Variants in NDUFA9 observed in about 807,000 individuals in gnomAD.
NDUFA9 encodes NADH dehydrogenase [ubiquinone] 1 alpha subcomplex subunit 9, mitochondrial.
NDUFA9 carries 23 observed loss-of-function variants against 45.9 expected under a neutral mutation model. That is an observed-to-expected ratio of 0.50 (90% CI 0.36 to 0.71). The LOEUF is 0.71. Ranked by LOEUF, NDUFA9 falls within the 30% of genes least tolerant of loss-of-function variation. The pLI is 0.00. For missense variants in NDUFA9, 466 were observed against 488.2 expected (o/e 0.95, Z 0.43); for synonymous variants, 176 against 170.5 (o/e 1.03, Z -0.25).
intron 10 of NDUFA9, among the ~76,000 whole-genome samples, chr12:4,686,551 C>T (rs1945987931): frequency 6.6e-6 from 1 of 152,038 alleles, no homozygotes; most frequent in South Asian, 2.1e-4. Flanking sequence ...TGGACCAGCT[C>T]TGCTTAAGCC....
intron 6 of NDUFA9, among the ~76,000 whole-genome samples, chr12:4,663,309 T>C (rs766601699): frequency 5.9e-5 from 9 of 152,170 alleles, no homozygotes; most frequent in Non-Finnish European, 1.3e-4. Flanking sequence ...TTAAAAAAAA[T>C]TGTGGCAAAA....
intron 5 of NDUFA9, among the ~76,000 whole-genome samples, chr12:4,660,844 T>C (rs1200114047): frequency 6.6e-6 from 1 of 152,022 alleles, no homozygotes; most frequent in Non-Finnish European, 1.5e-5. Flanking sequence ...TTGAGTGCAG[T>C]GGTTGGAGCA....
intron 8 of NDUFA9, among the ~76,000 whole-genome samples, chr12:4,673,947 C>T (rs1241594732): frequency 6.6e-6 from 1 of 152,122 alleles, no homozygotes; most frequent in Non-Finnish European, 1.5e-5. Flanking sequence ...AAAGGGAAGC[C>T]CATCAGACTA....
At chr12:4,672,880 G>C (rs1278360136) in intron 8 of NDUFA9, among the ~76,000 whole-genome samples, 1 of 152,228 alleles carries the variant, frequency 6.6e-6, no homozygotes, top group East Asian at 1.9e-4. Flanking sequence ...TTTGAGCTCT[G>C]ATAAGGGACA....
intron 6 of NDUFA9, among the ~76,000 whole-genome samples, chr12:4,665,111 A>T (rs1266457442): frequency 6.6e-6 from 1 of 152,204 alleles, no homozygotes; most frequent in Non-Finnish European, 1.5e-5. Context: ...GACTAAGACA[A>T]GATTAAGACC....
At chr12:4,668,166 T>C (rs1945864325) in intron 6 of NDUFA9, among the ~76,000 whole-genome samples, 1 of 152,124 alleles carries the variant, frequency 6.6e-6, no homozygotes, top group Non-Finnish European at 1.5e-5. Flanking sequence ...GCAGCTAGAG[T>C]CCAGTCTTGG....
intron 2 of NDUFA9, 115 bp from the exon 3 acceptor site, chr12:4,654,710 A>C: frequency 4.0e-6 from 4 of 1,001,188 alleles, no homozygotes; most frequent in Non-Finnish European, 5.8e-6. Flanking sequence ...CTTTTTGTCA[A>C]ATATAATATC....
At position 4,685,324 on chromosome 12, in the gene NDUFA9, G is replaced by T. The variant is rs199592341; in HGVS notation, c.962G>T (p.Arg321Leu). The change falls in exon 10 of 11, where the codon CGG becomes CTG. Residue 321 changes from arginine to leucine, a missense_variant and splice_region_variant. Physicochemically the swap from Arg to Leu is moderately radical, Grantham distance 102. Transcript: ENST00000266544. ...TGGATAACAAGGGATAAAGTGGAGC[G>T]GGTGAGTACATGTGTGGAAAGCGTC... Reference protein sequence around the residue: ...EPWITRDKVERMHITDMKLPH... With the variant: ...EPWITRDKVELMHITDMKLPH... 8 of 1,613,096 alleles carry T rather than the reference G, an allele frequency of 5.0e-6. No individual in the cohort carries two copies. Among genetic ancestry groups the T allele is most frequent in the Non-Finnish European group, 6.8e-6 (8 of 1,179,114 alleles).
intron 8 of NDUFA9, among the ~76,000 whole-genome samples, chr12:4,678,569 A>G (rs1019676730): frequency 1.3e-5 from 2 of 152,200 alleles, no homozygotes. Flanking sequence ...GAGGACTACT[A>G]TCTAGAATAT....
chr12:4,659,051 G>A lies in NDUFA9; in HGVS notation c.426G>A (p.Glu142=). 3 of 1,612,866 alleles carry A rather than the reference G, an allele frequency of 1.9e-6. No individual in the cohort carries two copies. Among genetic ancestry groups the A allele is most frequent in the Non-Finnish European group, 2.5e-6 (3 of 1,179,410 alleles). Residue 142 remains glutamate, a synonymous_variant, in exon 5 of 11, where the codon GAG becomes GAA. Coordinates refer to ENST00000266544, the MANE Select transcript of NDUFA9 (RefSeq NM_005002.5). ...RDWETKNFDF[E]DVFVKIPQAI... is the part of the protein sequence containing the mutation. ...TATCTTCCAGAAACTTTGATTTTGA[G>A]GATGTTTTTGTGAAGATTCCCCAAG... is the stretch of plus-strand genomic sequence containing the variant.
In NDUFA9 at chr12:4,682,215, T is replaced by A; in HGVS notation, c.811T>A (p.Tyr271Asn). ...KSFAFVGPSR[Y>N]LLFHLVKYIF... Reference sequence around the variant, plus strand: ...ATTGTCTTTTTATAGTCCCAGTCGGTACCTCCTTTTCCACCTGGTGAAGTA... The same window carrying A: ...ATTGTCTTTTTATAGTCCCAGTCGGAACCTCCTTTTCCACCTGGTGAAGTA... Residue 271 changes from tyrosine to asparagine, a missense_variant, in exon 9 of 11, where the codon TAC (tyrosine) becomes AAC (asparagine). Tyr to Asn is a moderately radical substitution (Grantham distance 143). Coordinates refer to ENST00000266544, the MANE Select transcript of NDUFA9 (RefSeq NM_005002.5). The A allele has an allele frequency of 1.2e-6, 2 of 1,611,012 alleles. No homozygotes were observed. Among genetic ancestry groups the A allele is most frequent in the Non-Finnish European group, 1.7e-6 (2 of 1,177,854 alleles).
At chr12:4,653,860 T>C (rs1038611960) in intron 1 of NDUFA9, among the ~76,000 whole-genome samples, 6 of 152,166 alleles carry the variant, frequency 3.9e-5, no homozygotes, top group African/African-American at 1.4e-4. Flanking sequence ...TACCTCTGCA[T>C]TGTGATGTGT....
intron 8 of NDUFA9, among the ~76,000 whole-genome samples, chr12:4,679,111 G>A (rs1565571593): frequency 1.3e-5 from 2 of 152,184 alleles, no homozygotes; most frequent in Non-Finnish European, 2.9e-5. Context: ...ATATTGACAT[G>A]TTACATGTGT....
intron 8 of NDUFA9, among the ~76,000 whole-genome samples, chr12:4,672,348 A>G (rs1039718373): frequency 1.3e-5 from 2 of 151,984 alleles, no homozygotes. Context: ...TTTTTTTTCC[A>G]TATCCCAGTG....
rs1358256003 is a variant in NDUFA9 at position 4,689,281 on chromosome 12, A to G, written c.*2173A>G. ...AACTTGTATCATCTCAGGATGCTGT[A>G]TATTTCTTTTATTTTTTATTTTTTA... is the stretch of plus-strand genomic sequence containing the variant. On this transcript the variant is annotated 3_prime_UTR_variant, in exon 11 of 11. Transcript: ENST00000266544. 1.3e-5 allele frequency: 2 copies of G among 151,918 alleles called. No homozygotes were observed. The highest frequency in any genetic ancestry group is 2.4e-5 in the African/African-American group (1 of 41,046). 9.4% of individuals were successfully genotyped at this position (151,918 alleles called of 1,614,324 possible).
chr12:4,684,993 T>G (rs1047630678), intron 9 of NDUFA9: 8 of 603,064 alleles, frequency 1.3e-5, no homozygotes, highest in Non-Finnish European at 2.1e-5. Context: ...TTGTTGGTTT[T>G]ATTTCATTTT....
Position 4,649,159 on chromosome 12 carries a change from G to C in NDUFA9, c.33G>C (p.Arg11=). The change falls in exon 1 of 11, where the codon CGG becomes CGC. Residue 11 remains arginine, a synonymous_variant. Transcript: ENST00000266544. ...CTGCCGCACAATCCCGGGTTGTCCG[G>C]GTCCTGTCAATGTCACGTAAGTGTT... The part of the protein sequence containing the change: MAAAAQSRVV[R]VLSMSRSAIT... 1 of 1,605,336 alleles carries C rather than the reference G, an allele frequency of 6.2e-7. No individual in the cohort carries two copies. The highest frequency in any genetic ancestry group is 8.5e-7 in the Non-Finnish European group (1 of 1,176,176).
intron 6 of NDUFA9, 117 bp from the exon 7 acceptor site, chr12:4,668,340 C>T: frequency 2.4e-6 from 2 of 831,516 alleles, no homozygotes; most frequent in Middle Eastern, 4.6e-4. Flanking sequence ...TCCTCAGAGT[C>T]AGCTACATTC....
chr12:4,649,272 T>G, intron 1 of NDUFA9, 97 bp downstream of exon 1: 1 of 1,380,710 alleles, frequency 7.2e-7, no homozygotes, highest in Non-Finnish European at 1.0e-6. Flanking sequence ...CACGCCAACT[T>G]CCTAGGCACA....
Sources: allele counts gnomAD v4.1 joint callset (sites outside exome capture counted in the v4.1 genomes callset), GRCh38; gene constraint gnomAD v4.1.1; transcripts MANE v1.5; gene names NCBI Gene and HGNC (gene_info 2026-07-23, HGNC 2026-07-21).